Variants in ATP9B observed in about 807,000 individuals in gnomAD.
ATP9B encodes ATPase phospholipid transporting 9B, also known as probable phospholipid-transporting ATPase IIB.
Under a neutral mutation model 146.1 loss-of-function variants are expected in ATP9B, and 110 were observed. The ratio of observed to expected loss-of-function variants is 0.75; its 90% CI spans 0.65 to 0.88. ATP9B has a LOEUF of 0.88. Among genes scored for constraint, ATP9B ranks in the 40% least tolerant of loss-of-function variants. The probability of loss-of-function intolerance (pLI) is 0.00; values close to 1 mark genes in which losing one functional copy is unlikely to be tolerated. For synonymous variants in ATP9B, 604 were observed against 569.7 expected, an observed-to-expected ratio of 1.06 and a Z score of -0.86; for missense variants, 1,499 against 1,496.4, an observed-to-expected ratio of 1.00 and a Z score of -0.03.
chr18:79,172,565 C>T (rs1276269307), intron 7 of ATP9B, among the ~76,000 whole-genome samples: 6 of 119,038 alleles, frequency 5.0e-5, no homozygotes, highest in African/African-American at 1.3e-4. Context: ...TGATTACAGG[C>T]GTAGCCACCG....
intron 10 of ATP9B, among the ~76,000 whole-genome samples, chr18:79,212,283 G>A (rs542382343): frequency 1.3e-5 from 2 of 152,310 alleles, no homozygotes; most frequent in African/African-American, 2.4e-5. Context: ...ACTTACGAGA[G>A]CCTTTAGCAA....
At chr18:79,234,123 A>C (rs1347536687) in intron 11 of ATP9B, among the ~76,000 whole-genome samples, 5 of 152,210 alleles carry the variant, frequency 3.3e-5, no homozygotes, top group African/African-American at 9.7e-5. Flanking sequence ...ATCTTGGAAC[A>C]GGGTTACAGG....
At chr18:79,324,241 C>T (rs1200318340) in intron 15 of ATP9B, among the ~76,000 whole-genome samples, 1 of 152,046 alleles carries the variant, frequency 6.6e-6, no homozygotes, top group Non-Finnish European at 1.5e-5. Context: ...AATATTTTCT[C>T]TCATTCTGTG....
intron 15 of ATP9B, among the ~76,000 whole-genome samples, chr18:79,322,352 G>A (rs945255426): frequency 4.6e-5 from 7 of 152,210 alleles, no homozygotes; most frequent in African/African-American, 1.4e-4. Flanking sequence ...TTGAGACAGC[G>A]AGTGTTGACA....
intron 6 of ATP9B, chr18:79,146,967 C>T (rs1337771437): frequency 6.6e-6 from 1 of 152,180 alleles, no homozygotes; most frequent in African/African-American, 2.4e-5. Flanking sequence ...GCACGAAAGT[C>T]TCTTCAAATA....
chr18:79,159,311 C>G (rs1480621363), intron 7 of ATP9B, among the ~76,000 whole-genome samples: 1 of 152,118 alleles, frequency 6.6e-6, no homozygotes, highest in Non-Finnish European at 1.5e-5. Context: ...TATTATTCTC[C>G]CCATCCAGAT....
intron 12 of ATP9B, among the ~76,000 whole-genome samples, chr18:79,272,701 A>G (rs554653616): frequency 2.0e-5 from 3 of 152,252 alleles, no homozygotes; most frequent in South Asian, 4.1e-4. Context: ...TTCATTTGCC[A>G]TAAACCCTCT....
rs2095872620 is a variant in ATP9B, at chr18:79,239,842, A to G, written c.1108-13539A>G. On this transcript the variant is annotated intron_variant, in intron 11 of 29. Coordinates refer to ENST00000426216, the MANE Select transcript of ATP9B (RefSeq NM_198531.5). This position sits in a 1 kb window ranked among gnomAD's most constrained non-coding sequence, Gnocchi z 5.1. ...TTATTACACGGAGGCGTTACTGAAG[A>G]GGCATCTGAATGTGGCTGGGAGAGC... is the stretch of plus-strand genomic sequence containing the variant. Among the ~76,000 whole-genome samples the G allele has an allele frequency of 6.6e-6, 1 of 152,174 alleles. No individual in the cohort carries two copies.
intron 7 of ATP9B, among the ~76,000 whole-genome samples, chr18:79,158,110 A>G (rs530328999): frequency 2.6e-5 from 4 of 151,874 alleles, no homozygotes; most frequent in African/African-American, 9.7e-5. Context: ...TATTTACTTG[A>G]GGGTCTTTTT....
chr18:79,100,156 A>T (rs900712674), intron 2 of ATP9B, among the ~76,000 whole-genome samples: 1 of 152,182 alleles, frequency 6.6e-6, no homozygotes, highest in Non-Finnish European at 1.5e-5. Context: ...CAGTGTTTGT[A>T]ATGTGTTGAG....
chr18:79,156,001 A>G (rs1160619458), intron 7 of ATP9B, among the ~76,000 whole-genome samples: 1 of 151,872 alleles, frequency 6.6e-6, no homozygotes, highest in Admixed American at 6.6e-5. Context: ...TGACCTTGTG[A>G]TCCACCCACC....
intron 11 of ATP9B, among the ~76,000 whole-genome samples, chr18:79,229,074 AC>A (rs1244244003): frequency 2.0e-5 from 3 of 152,206 alleles, no homozygotes. Context: ...GCTACAGTTC[AC>A]ACTTATGACT....
intron 12 of ATP9B, among the ~76,000 whole-genome samples, chr18:79,271,973 A>G (rs2096260062): frequency 6.6e-6 from 1 of 152,106 alleles, no homozygotes; most frequent in African/African-American, 2.4e-5. Flanking sequence ...TTTGATTTGC[A>G]TTTCTCTGAT....
At chr18:79,179,965 A>G (rs1433949630) in intron 8 of ATP9B, among the ~76,000 whole-genome samples, 1 of 152,154 alleles carries the variant, frequency 6.6e-6, no homozygotes, top group Non-Finnish European at 1.5e-5. Context: ...AAGCACTGTT[A>G]CTGGGTTCAT....
At chr18:79,282,262 T>C (rs2096385529) in intron 13 of ATP9B, among the ~76,000 whole-genome samples, 1 of 152,204 alleles carries the variant, frequency 6.6e-6, no homozygotes, top group Non-Finnish European at 1.5e-5. Flanking sequence ...TTCCATAAGC[T>C]AAGTTGATAA....
At chr18:79,112,821 A>G (rs1333603766) in intron 3 of ATP9B, among the ~76,000 whole-genome samples, 1 of 151,668 alleles carries the variant, frequency 6.6e-6, no homozygotes, top group East Asian at 1.9e-4. Context: ...CCATTGTAAG[A>G]TTTTCTGAGT....
chr18:79,301,541 A>C (rs981281112), intron 13 of ATP9B, among the ~76,000 whole-genome samples: 3 of 152,142 alleles, frequency 2.0e-5, no homozygotes, highest in African/African-American at 7.2e-5. Context: ...TGGTAGTCAG[A>C]GACTGAATTG....
intron 8 of ATP9B, among the ~76,000 whole-genome samples, chr18:79,183,789 AG>A (rs1253187576): frequency 9.3e-6 from 1 of 107,936 alleles, no homozygotes. Flanking sequence ...TTTAGTTTAA[AG>A]TTAAAAAAAA....
At chr18:79,349,548 G>A (rs180967296) in intron 25 of ATP9B, among the ~76,000 whole-genome samples, 4 of 152,302 alleles carry the variant, frequency 2.6e-5, no homozygotes, top group African/African-American at 9.6e-5. Context: ...GCTGTTTCTA[G>A]TCCGCAGTCT....
Sources: allele counts gnomAD v4.1 joint callset (sites outside exome capture counted in the v4.1 genomes callset), GRCh38; gene constraint gnomAD v4.1.1; non-coding constraint Gnocchi (gnomAD v3.1); transcripts MANE v1.5; gene names NCBI Gene and HGNC (gene_info 2026-07-23, HGNC 2026-07-21).